Variants in FSHR observed in about 807,000 individuals in gnomAD.
FSHR encodes follicle-stimulating hormone receptor.
In FSHR, 46 loss-of-function variants were observed where a neutral mutation model predicts 52.1. The ratio of observed to expected loss-of-function variants is 0.88; its 90% CI spans 0.70 to 1.13. The LOEUF (loss-of-function observed/expected upper bound fraction) is 1.13, where lower values mean the gene tolerates loss of function less well. Among genes scored for constraint, FSHR ranks in the 50% most tolerant of loss-of-function variants. The pLI is 0.00. For synonymous variants in FSHR, 399 were observed against 309.6 expected (o/e 1.29, Z -3.03); for missense variants, 964 against 834.6 (o/e 1.16, Z -1.91).
At chr2:48,990,262 A>T (rs1027170143) in intron 5 of FSHR, among the ~76,000 whole-genome samples, 1 of 151,298 alleles carries the variant, frequency 6.6e-6, no homozygotes, top group Non-Finnish European at 1.5e-5. Context: ...GGTGTTGTTT[A>T]TGTGTGTGGG....
intron 2 of FSHR, among the ~76,000 whole-genome samples, chr2:49,035,295 G>A (rs778125117): frequency 7.9e-5 from 12 of 152,210 alleles, no homozygotes; most frequent in East Asian, 1.9e-4. Context: ...GTTTTCTTAC[G>A]TGCTTTATTT....
At chr2:49,040,227 A>G (rs1177043178) in intron 2 of FSHR, among the ~76,000 whole-genome samples, 1 of 152,162 alleles carries the variant, frequency 6.6e-6, no homozygotes, top group Non-Finnish European at 1.5e-5. Context: ...GGCCTTATAA[A>G]GTGTTTCAGA....
chr2:48,985,946 C>G (rs1480721070), intron 6 of FSHR, among the ~76,000 whole-genome samples: 1 of 151,932 alleles, frequency 6.6e-6, no homozygotes, highest in Non-Finnish European at 1.5e-5. Context: ...ATTTCCTGAC[C>G]TCATGATCCA....
rs148976413 is a variant in FSHR at position 49,020,641 on chromosome 2, C to T, written c.225-481G>A. Among the ~76,000 whole-genome samples, 978 of 152,166 alleles carry T rather than the reference C, an allele frequency of 6.4e-3. 4 individuals carry two copies. Among genetic ancestry groups the T allele is most frequent in the Non-Finnish European group, 9.8e-3 (665 of 68,014 alleles). ...AAAGGTAACACATGAATGAATTAGCCTGTGTTCCAATAAAACTTTATTCAT... is the reference window on the plus strand; with the variant it reads ...AAAGGTAACACATGAATGAATTAGCTTGTGTTCCAATAAAACTTTATTCAT... On this transcript the variant is annotated intron_variant, in intron 2 of 9. Transcript: ENST00000406846.
In FSHR at chr2:48,991,940, T is replaced by C. The variant is rs142808941; in HGVS notation, c.375-1303A>G. Reference sequence around the variant, plus strand: ...TTTTGAGGTTTATGACTCAAGAAGATTTGGTGCCTTGTTCTCTGCTTCTGT... The same window carrying C: ...TTTTGAGGTTTATGACTCAAGAAGACTTGGTGCCTTGTTCTCTGCTTCTGT... On this transcript the variant is annotated intron_variant, in intron 4 of 9. Transcript: ENST00000406846. 3.4e-3 allele frequency among the ~76,000 whole-genome samples: 514 copies of C among 152,074 alleles called. 2 individuals carry two copies. The highest frequency in any genetic ancestry group is 4.7e-3 in the Non-Finnish European group (319 of 67,998).
chr2:49,034,793 C>T (rs944021690), intron 2 of FSHR, among the ~76,000 whole-genome samples: 1 of 152,082 alleles, frequency 6.6e-6, no homozygotes, highest in Non-Finnish European at 1.5e-5. Context: ...AGATGAAACT[C>T]ATAATCGACT....
chr2:49,015,549 C>A (rs1667456425), intron 4 of FSHR, among the ~76,000 whole-genome samples: 1 of 152,186 alleles, frequency 6.6e-6, no homozygotes. Flanking sequence ...GATTTCTCAA[C>A]TATTGAATGA....
At chr2:49,084,797 A>G (rs1271953054) in intron 1 of FSHR, among the ~76,000 whole-genome samples, 5 of 152,232 alleles carry the variant, frequency 3.3e-5, no homozygotes, top group African/African-American at 1.2e-4. Flanking sequence ...TAAACCAGGA[A>G]GAAGTTGAAT....
intron 2 of FSHR, among the ~76,000 whole-genome samples, chr2:49,056,156 T>G (rs1357329274): frequency 2.0e-5 from 3 of 152,004 alleles, no homozygotes; most frequent in Non-Finnish European, 2.9e-5. Context: ...ATCTTGAATG[T>G]AAATAGATTA....
In FSHR at chr2:49,017,683, C is replaced by T. The variant is rs1667538042; in HGVS notation, c.300-120G>A. ...CCATCCACTCATCCACCCATCTATT[C>T]ATCCATCCATCCATCCATCCATCAT... On this transcript the variant is annotated intron_variant, in intron 3 of 9. Transcript: ENST00000406846. 15 of 697,928 alleles carry T rather than the reference C, an allele frequency of 2.1e-5. No individual in the cohort carries two copies. In the South Asian group the frequency reaches 2.3e-4, roughly 11 times the overall value. 43.2% of individuals were successfully genotyped at this position (697,928 alleles called of 1,614,324 possible).
chr2:49,018,591 G>A (rs751210655), intron 3 of FSHR, among the ~76,000 whole-genome samples: 34 of 152,154 alleles, frequency 2.2e-4, no homozygotes, highest in Non-Finnish European at 4.3e-4. Context: ...TGCCCAGAGG[G>A]CTGGCTGCCC....
At chr2:49,046,336 A>G (rs529434969) in intron 2 of FSHR, among the ~76,000 whole-genome samples, 1 of 152,300 alleles carries the variant, frequency 6.6e-6, no homozygotes, top group Non-Finnish European at 1.5e-5. Flanking sequence ...TCTGGGCTAC[A>G]CTTTTGCATT....
rs1675636695 is a variant in FSHR, at chr2:48,988,877, CAA to C, written c.524+98_524+99del. 5.2e-6 allele frequency: 5 copies of C among 968,516 alleles called. No homozygotes were observed. The East Asian group carries it at 1.3e-4, about 25-fold the overall frequency. 60.0% of individuals were successfully genotyped at this position (968,516 alleles called of 1,614,324 possible). On this transcript the variant is annotated intron_variant, in intron 6 of 9. Coordinates refer to ENST00000406846, the MANE Select transcript of FSHR (RefSeq NM_000145.4). ...GAGAGTGATTTAAGTGGAGAAATGC[CAA>C]AGTTACCCAAACAAAAAAGGAGCAT... is the stretch of plus-strand genomic sequence containing the variant.
At chr2:49,120,033 G>A (rs1671752281) in intron 1 of FSHR, among the ~76,000 whole-genome samples, 1 of 152,334 alleles carries the variant, frequency 6.6e-6, no homozygotes, top group African/African-American at 2.4e-5. Flanking sequence ...ACTTTGGGAG[G>A]CCAGGGCAGG....
intron 2 of FSHR, among the ~76,000 whole-genome samples, chr2:49,036,607 A>C (rs956403472): frequency 2.0e-5 from 3 of 152,146 alleles, no homozygotes; most frequent in Non-Finnish European, 4.4e-5. Flanking sequence ...TCTTGTTTCC[A>C]TAATGTCTTC....
intron 4 of FSHR, among the ~76,000 whole-genome samples, chr2:48,994,624 A>T (rs1675938510): frequency 1.4e-5 from 1 of 71,354 alleles, no homozygotes. Flanking sequence ...TGATCAATAA[A>T]TTCATGCTGA....
At chr2:48,986,547 A>C (rs1675524911) in intron 6 of FSHR, among the ~76,000 whole-genome samples, 1 of 152,194 alleles carries the variant, frequency 6.6e-6, no homozygotes, top group African/African-American at 2.4e-5. Context: ...GGGACAGCCA[A>C]AATAAGAACA....
chr2:49,048,078 C>T (rs11887125), intron 2 of FSHR, among the ~76,000 whole-genome samples: 10,069 of 151,870 alleles, frequency 0.066, 1,109 homozygotes, highest in African/African-American at 0.23. Context: ...TAGAGATGGG[C>T]TTTCATCATG....
intron 1 of FSHR, among the ~76,000 whole-genome samples, chr2:49,107,342 C>T (rs1558445049): frequency 1.3e-5 from 2 of 152,050 alleles, no homozygotes; most frequent in African/African-American, 4.8e-5. Context: ...GTGCCTCAGA[C>T]CTGCTTAGGC....
Sources: gnomAD v4.1 joint callset for allele counts (sites outside exome capture counted in the v4.1 genomes callset) on GRCh38, gnomAD v4.1.1 for gene constraint, MANE v1.5 for transcripts, NCBI Gene and HGNC (gene_info 2026-07-23, HGNC 2026-07-21) for gene names.